FAM124A: variants seen among roughly 807,000 people sequenced by gnomAD.
FAM124A encodes the protein family with sequence similarity 124 member A, also known as protein FAM124A.
Under a neutral mutation model 24.5 loss-of-function variants are expected in FAM124A, and 23 were observed. That is an observed-to-expected ratio of 0.94 (90% CI 0.68 to 1.33). FAM124A has a LOEUF of 1.33. Among genes scored for constraint, FAM124A ranks in the 40% most tolerant of loss-of-function variants. The pLI, the probability that FAM124A is intolerant of heterozygous loss-of-function variation, is 0.00. For synonymous variants in FAM124A, 287 were observed against 314.7 expected (o/e 0.91, Z 0.93); for missense variants, 623 against 722.8 (o/e 0.86, Z 1.58).
intron 3 of FAM124A, among the ~76,000 whole-genome samples, chr13:51,276,755 T>C (rs1433958718): frequency 6.6e-6 from 1 of 152,196 alleles, no homozygotes; most frequent in Non-Finnish European, 1.5e-5. Flanking sequence ...TGCCCAATTT[T>C]CTTGAGACAG....
At chr13:51,277,091 A>G (rs1469007613) in intron 3 of FAM124A, among the ~76,000 whole-genome samples, 3 of 151,534 alleles carry the variant, frequency 2.0e-5, no homozygotes, top group Non-Finnish European at 4.4e-5. Flanking sequence ...GTGTCCATCA[A>G]GTGGATGACT....
Position 51,280,663 on chromosome 13 carries a change from A to AC in FAM124A, c.1053dup (p.Asn352GlnfsTer27), listed in dbSNP as rs748194293. 99 of 1,613,878 alleles carry AC rather than the reference A, an allele frequency of 6.1e-5. No homozygotes were observed. The highest frequency in any genetic ancestry group is 8.1e-5 in the Non-Finnish European group (96 of 1,180,002). On this transcript the variant is annotated frameshift_variant, in exon 4 of 4. Transcript: ENST00000322475. LOFTEE classifies it low-confidence loss of function (END_TRUNC). ...GGAATTTGCCGGACGAGCCAACAGC[A>AC]CCCCCAACCCTCCCTGGTCTTTCCA...
chr13:51,244,844 C>T (rs978662884), intron 2 of FAM124A, among the ~76,000 whole-genome samples: 2 of 152,196 alleles, frequency 1.3e-5, no homozygotes, highest in African/African-American at 4.8e-5. Flanking sequence ...GGCGAAACAG[C>T]CAGCCCATTC....
At position 51,276,255 on chromosome 13, in the gene FAM124A, G is replaced by T. The variant is rs548404540; in HGVS notation, c.835-4195G>T. Among the ~76,000 whole-genome samples the T allele has an allele frequency of 2.0e-5, 3 of 152,256 alleles. No homozygotes were observed. In the South Asian group the frequency reaches 6.2e-4, roughly 32 times the overall value. On this transcript the variant is annotated intron_variant, in intron 3 of 3. Transcript: ENST00000322475. Reference sequence around the variant, plus strand: ...AACTCTTGGCAGGAAGCCACAGGGGGTGCTAATTATCACTTTGCTGCCATT... The same window carrying T: ...AACTCTTGGCAGGAAGCCACAGGGGTTGCTAATTATCACTTTGCTGCCATT...
At position 51,231,330 on chromosome 13, in the gene FAM124A, T is replaced by C. The variant is rs759795204; in HGVS notation, c.69-18T>C. The C allele has an allele frequency of 5.0e-6, 8 of 1,613,502 alleles. 1 individual carries two copies. In the South Asian group the frequency reaches 8.8e-5, roughly 18 times the overall value. The stretch of plus-strand genomic sequence containing the variant: ...TTTGGATAAAGAATTCTACTAACGC[T>C]GAGGTCTTGTGTTTCAGGTCCGACT... On this transcript the variant is annotated intron_variant, in intron 1 of 3. Coordinates refer to ENST00000322475, the MANE Select transcript of FAM124A (RefSeq NM_001242312.2).
In FAM124A at chr13:51,281,061, C is replaced by T; in HGVS notation, c.1446C>T (p.Phe482=). 3 of 1,614,132 alleles carry T rather than the reference C, an allele frequency of 1.9e-6. No individual in the cohort carries two copies. Among genetic ancestry groups the T allele is most frequent in the Non-Finnish European group, 2.5e-6 (3 of 1,180,014 alleles). The stretch of plus-strand genomic sequence containing the variant: ...AGGCCTCCTGGGCTTCCCTCCCTTT[C>T]TTCACCAAAAGGTCTTCCAGCTCCT... ...TTEASWASLP[F]FTKRSSSSSA... The change falls in exon 4 of 4, where the codon TTC becomes TTT. Residue 482 remains phenylalanine, a synonymous_variant. Transcript: ENST00000322475.
chr13:51,246,757 T>C (rs1954568205), intron 2 of FAM124A, among the ~76,000 whole-genome samples: 1 of 152,218 alleles, frequency 6.6e-6, no homozygotes, highest in Non-Finnish European at 1.5e-5. Flanking sequence ...AAACATTCAC[T>C]CATCCATGCA....
In FAM124A at chr13:51,282,310, CTT is replaced by C. The variant is rs1229863889; in HGVS notation, c.*1056_*1057del. On this transcript the variant is annotated 3_prime_UTR_variant, in exon 4 of 4. Transcript: ENST00000322475. ...ATGCTGTTCTCCCCAAAACGGGAAACTTTACCTGAAACGCTCTCCTGAACAAA... is the reference window on the plus strand; with the variant it reads ...ATGCTGTTCTCCCCAAAACGGGAAACTACCTGAAACGCTCTCCTGAACAAA... 6.6e-6 allele frequency: 1 copy of C among 152,244 alleles called. No individual in the cohort carries two copies. The highest frequency in any genetic ancestry group is 1.5e-5 in the Non-Finnish European group (1 of 68,050). 9.4% of individuals were successfully genotyped at this position (152,244 alleles called of 1,614,324 possible).
chr13:51,245,448 G>A (rs774383666), intron 2 of FAM124A: 14 of 606,592 alleles, frequency 2.3e-5, no homozygotes, highest in Non-Finnish European at 2.1e-5. Flanking sequence ...CGCAGCTTCC[G>A]GCATTCATCT....
intron 1 of FAM124A, among the ~76,000 whole-genome samples, chr13:51,229,775 A>G (rs1482133223): frequency 6.6e-6 from 1 of 152,204 alleles, no homozygotes; most frequent in African/African-American, 2.4e-5. Flanking sequence ...TTTATATATA[A>G]TTACATTTCC....
At chr13:51,256,215 A>G (rs1483039868) in intron 3 of FAM124A, among the ~76,000 whole-genome samples, 2 of 152,214 alleles carry the variant, frequency 1.3e-5, no homozygotes, top group African/African-American at 4.8e-5. Context: ...CAATTCCACA[A>G]TGAGATTGTG....
intron 1 of FAM124A, among the ~76,000 whole-genome samples, chr13:51,228,763 C>T (rs1227149944): frequency 6.6e-6 from 1 of 152,066 alleles, no homozygotes; most frequent in Non-Finnish European, 1.5e-5. Context: ...AGTAAATAAG[C>T]TTTTGAGGTT....
At chr13:51,276,586 C>T (rs1010772258) in intron 3 of FAM124A, among the ~76,000 whole-genome samples, 60 of 152,184 alleles carry the variant, frequency 3.9e-4, no homozygotes, top group Non-Finnish European at 1.2e-4. Flanking sequence ...CATCCAAATC[C>T]TCTTCCTGTA....
At chr13:51,278,810 C>A (rs971735759) in intron 3 of FAM124A, among the ~76,000 whole-genome samples, 2 of 152,302 alleles carry the variant, frequency 1.3e-5, no homozygotes, top group African/African-American at 4.8e-5. Flanking sequence ...CTCTGCAAAA[C>A]TACACAGTGT....
intron 3 of FAM124A, among the ~76,000 whole-genome samples, chr13:51,259,291 C>G (rs1316420889): frequency 2.0e-5 from 3 of 152,102 alleles, no homozygotes; most frequent in South Asian, 2.1e-4. Flanking sequence ...CAATGCAAAT[C>G]AGATCATGTG....
In FAM124A at chr13:51,222,498, C is replaced by A; in HGVS notation, c.-4C>A. ...GCAAGCCGAGCGCGGCCGGGACGTG[C>A]ACCATGGACCCAAAGGCGGGCGGCG... On this transcript the variant is annotated 5_prime_UTR_variant, in exon 1 of 4. Coordinates refer to ENST00000322475, the MANE Select transcript of FAM124A (RefSeq NM_001242312.2). 1 of 1,224,596 alleles carries A rather than the reference C, an allele frequency of 8.2e-7. No homozygotes were observed. Among genetic ancestry groups the A allele is most frequent in the Non-Finnish European group, 1.0e-6 (1 of 985,014 alleles). 75.9% of individuals were successfully genotyped at this position (1,224,596 alleles called of 1,614,324 possible).
chr13:51,279,075 A>G (rs1954911682), intron 3 of FAM124A, among the ~76,000 whole-genome samples: 1 of 152,228 alleles, frequency 6.6e-6, no homozygotes, highest in South Asian at 2.1e-4. Context: ...AAAGAAAATG[A>G]CATTAGGGCA....
chr13:51,228,217 A>ATT (rs2137643641), intron 1 of FAM124A, among the ~76,000 whole-genome samples: 1 of 152,204 alleles, frequency 6.6e-6, no homozygotes. Context: ...ATATATATAT[A>ATT]TGTAGTATTC....
At chr13:51,274,631 A>C (rs1009655464) in intron 3 of FAM124A, among the ~76,000 whole-genome samples, 1 of 152,192 alleles carries the variant, frequency 6.6e-6, no homozygotes, top group East Asian at 1.9e-4. Context: ...ATTGGTATTT[A>C]TGATTTATGA....
Sources: gnomAD v4.1 joint callset for allele counts (sites outside exome capture counted in the v4.1 genomes callset) on GRCh38, gnomAD v4.1.1 for gene constraint, MANE v1.5 for transcripts, NCBI Gene and HGNC (gene_info 2026-07-23, HGNC 2026-07-21) for gene names.